Variants in SETD2 observed in about 807,000 individuals in gnomAD.
SETD2 encodes the protein SET domain containing 2, histone lysine methyltransferase.
In SETD2, 31 loss-of-function variants were observed where a neutral mutation model predicts 242.1. The ratio of observed to expected loss-of-function variants is 0.13; its 90% CI spans 0.10 to 0.17. The LOEUF (loss-of-function observed/expected upper bound fraction) is 0.17, where lower values mean the gene tolerates loss of function less well. SETD2 is among the 10% of genes least tolerant of loss of function. The pLI is 1.00. For synonymous variants in SETD2, 1,006 were observed against 1,066.5 expected (o/e 0.94, Z 1.11); for missense variants, 2,481 against 3,046.3 (o/e 0.81, Z 4.37).
chr3:47,117,130 G>A (rs2042885710), intron 3 of SETD2, among the ~76,000 whole-genome samples: 1 of 151,972 alleles, frequency 6.6e-6, no homozygotes, highest in Non-Finnish European at 1.5e-5. Context: ...TTCCCAAAGT[G>A]CTGCAATCGC....
chr3:47,148,042 A>C (rs894827843), intron 1 of SETD2, among the ~76,000 whole-genome samples: 1 of 152,092 alleles, frequency 6.6e-6, no homozygotes, highest in Non-Finnish European at 1.5e-5. Context: ...GTGGGCTAAA[A>C]ATATATTTTA....
chr3:47,157,369 T>C (rs138415392), intron 1 of SETD2, among the ~76,000 whole-genome samples: 2 of 152,310 alleles, frequency 1.3e-5, no homozygotes, highest in African/African-American at 4.8e-5. Context: ...ATCTTGCCAC[T>C]GTACTCTAAC....
chr3:47,147,966 T>C (rs1460892052), intron 1 of SETD2, among the ~76,000 whole-genome samples: 1 of 151,820 alleles, frequency 6.6e-6, no homozygotes, highest in Non-Finnish European at 1.5e-5. Flanking sequence ...TCCTATACTT[T>C]CTGCACTCTT....
chr3:47,098,151 A>G (rs2107675366), intron 8 of SETD2, 70 bp from the exon 9 acceptor site: 3 of 1,545,294 alleles, frequency 1.9e-6, no homozygotes, highest in Non-Finnish European at 1.8e-6. Context: ...GGCAATACAC[A>G]CAAAAGTCAT....
intron 12 of SETD2, among the ~76,000 whole-genome samples, chr3:47,075,339 C>A (rs2107619705): frequency 6.6e-6 from 1 of 151,954 alleles, no homozygotes; most frequent in African/African-American, 2.4e-5. Context: ...GTGGGCAGAT[C>A]ACCTGAGGTC....
At chr3:47,155,809 C>T (rs894620974) in intron 1 of SETD2, among the ~76,000 whole-genome samples, 9 of 151,926 alleles carry the variant, frequency 5.9e-5, no homozygotes, top group South Asian at 2.1e-4. Flanking sequence ...CTGTCTCACA[C>T]ACACATAAAA....
chr3:47,082,499 T>C (rs985789691), intron 12 of SETD2, among the ~76,000 whole-genome samples: 1 of 152,202 alleles, frequency 6.6e-6, no homozygotes, highest in African/African-American at 2.4e-5. Context: ...CAAGTGACTA[T>C]CCCAGCACTT....
At chr3:47,144,173 T>G (rs1259018182) in intron 1 of SETD2, among the ~76,000 whole-genome samples, 1 of 152,086 alleles carries the variant, frequency 6.6e-6, no homozygotes, top group Non-Finnish European at 1.5e-5. Context: ...ACAAAGTAAA[T>G]GTATACCTCA....
At chr3:47,098,158 TCATAC>T (rs2042078287) in intron 8 of SETD2, 77 bp from the exon 9 acceptor site, 3 of 1,486,028 alleles carry the variant, frequency 2.0e-6, no homozygotes, top group South Asian at 2.5e-5. Context: ...CACACAAAAG[TCATAC>T]CAGTCTAAAC....
rs1224171365 is a variant in SETD2, at chr3:47,155,166, GA to G, written c.71+8687del. 4.7e-5 allele frequency among the ~76,000 whole-genome samples: 7 copies of G among 149,858 alleles called. No homozygotes were observed. The South Asian group carries it at 8.4e-4, about 18-fold the overall frequency. Reference sequence around the variant, plus strand: ...TAAATGCAATGTGTAATACTAGATTGAAAAAAAAAGACATCTTTGGGACAAC... The same window carrying G: ...TAAATGCAATGTGTAATACTAGATTGAAAAAAAAGACATCTTTGGGACAAC... On this transcript the variant is annotated intron_variant, in intron 1 of 20. Coordinates refer to ENST00000409792, the MANE Select transcript of SETD2 (RefSeq NM_014159.7).
At chr3:47,111,659 T>C (rs2042656640) in intron 5 of SETD2, among the ~76,000 whole-genome samples, 1 of 152,124 alleles carries the variant, frequency 6.6e-6, no homozygotes, top group Non-Finnish European at 1.5e-5. Context: ...AGGTTCCTAC[T>C]AGCCCCCTTT....
chr3:47,059,108 C>CTTTTTTTTTTTTTT (rs111615859), intron 14 of SETD2, among the ~76,000 whole-genome samples: 1 of 104,552 alleles, frequency 9.6e-6, no homozygotes, highest in African/African-American at 3.9e-5. Context: ...CACGCCTGGC[C>CTTTTTTTTTTTTTT]TTTTTTTTTT....
intron 18 of SETD2, among the ~76,000 whole-genome samples, chr3:47,028,434 A>C (rs1432632956): frequency 6.6e-6 from 1 of 152,232 alleles, no homozygotes. Flanking sequence ...TATCCATTAG[A>C]TAACCTGTGG....
intron 16 of SETD2, among the ~76,000 whole-genome samples, chr3:47,043,887 C>A (rs779315225): frequency 1.1e-4 from 16 of 151,642 alleles, no homozygotes; most frequent in Non-Finnish European, 2.4e-4. Context: ...TAGTTTAAGG[C>A]AAAAAAGAAA....
At chr3:47,111,513 T>G (rs1004439251) in intron 5 of SETD2, among the ~76,000 whole-genome samples, 4 of 151,884 alleles carry the variant, frequency 2.6e-5, no homozygotes, top group African/African-American at 9.7e-5. Context: ...GACACTGCAG[T>G]GAGCTATGAT....
At chr3:47,132,425 T>C (rs2043500612) in intron 1 of SETD2, among the ~76,000 whole-genome samples, 1 of 152,114 alleles carries the variant, frequency 6.6e-6, no homozygotes, top group South Asian at 2.1e-4. Flanking sequence ...AGGTGGAAGT[T>C]ACAGTGAGCA....
At chr3:47,077,951 G>A (rs936440666) in intron 12 of SETD2, among the ~76,000 whole-genome samples, 2 of 152,122 alleles carry the variant, frequency 1.3e-5, no homozygotes, top group African/African-American at 4.8e-5. Context: ...GAATCTATGA[G>A]TAAAATAGTA....
intron 8 of SETD2, among the ~76,000 whole-genome samples, chr3:47,098,671 C>T (rs1032254325): frequency 6.6e-6 from 1 of 152,026 alleles, no homozygotes; most frequent in South Asian, 2.1e-4. Context: ...TGGCACACAC[C>T]TGTAATCCCA....
At chr3:47,089,871 G>T (rs767388474) in intron 9 of SETD2, among the ~76,000 whole-genome samples, 2 of 152,104 alleles carry the variant, frequency 1.3e-5, no homozygotes, top group Non-Finnish European at 2.9e-5. Context: ...GTGAACAAAG[G>T]AAAATAAGAA....
Sources: gnomAD v4.1 joint callset for allele counts (sites outside exome capture counted in the v4.1 genomes callset) on GRCh38, gnomAD v4.1.1 for gene constraint, MANE v1.5 for transcripts, NCBI Gene and HGNC (gene_info 2026-07-23, HGNC 2026-07-21) for gene names.